USH2A: variants seen among roughly 807,000 people sequenced by gnomAD.
USH2A encodes the protein Usher syndrome 2A (autosomal recessive, mild).
USH2A carries 443 observed loss-of-function variants against 538.9 expected under a neutral mutation model. The observed-to-expected ratio is 0.82, with a 90% CI of 0.76 to 0.89. The LOEUF (loss-of-function observed/expected upper bound fraction) is 0.89, where lower values mean the gene tolerates loss of function less well. USH2A is among the 40% of genes least tolerant of loss of function. The pLI, the probability that USH2A is intolerant of heterozygous loss-of-function variation, is 0.00. For missense variants in USH2A, 6,633 were observed against 6,324.8 expected (o/e 1.05, Z -1.65); for synonymous variants, 2,413 against 2,273.5 (o/e 1.06, Z -1.75).
At chr1:216,361,580 A>C (rs949705519) in intron 4 of USH2A, among the ~76,000 whole-genome samples, 38 of 152,120 alleles carry the variant, frequency 2.5e-4, no homozygotes, top group African/African-American at 8.7e-4. Flanking sequence ...TCCAATTAAA[A>C]CTTGGCAAAA....
At position 215,779,823 on chromosome 1, in the gene USH2A, C is replaced by CT. The variant is rs751350899; in HGVS notation, c.10939+19dup. ...TGACAGACTCCTCCAGTAGGATTTCCTTTTTTTTTGTTTTCTCACCTGTGA... is the reference window on the plus strand; with the variant it reads ...TGACAGACTCCTCCAGTAGGATTTCCTTTTTTTTTTGTTTTCTCACCTGTGA... On this transcript the variant is annotated intron_variant, in intron 55 of 71. Transcript: ENST00000307340. 232 of 1,600,422 alleles carry CT rather than the reference C, an allele frequency of 1.4e-4. No individual in the cohort carries two copies. The highest frequency in any genetic ancestry group is 3.0e-4 in the Admixed American group (18 of 59,658).
At chr1:215,641,651 T>C (rs1442418136) in intron 67 of USH2A, among the ~76,000 whole-genome samples, 1 of 152,208 alleles carries the variant, frequency 6.6e-6, no homozygotes, top group African/African-American at 2.4e-5. Context: ...AACATTAAGA[T>C]TCACCTATAT....
At chr1:216,013,487 A>G (rs1668627476) in intron 32 of USH2A, among the ~76,000 whole-genome samples, 1 of 152,066 alleles carries the variant, frequency 6.6e-6, no homozygotes, top group South Asian at 2.1e-4. Context: ...AAGCTAAGCC[A>G]TCATATCCCC....
chr1:215,810,191 G>A (rs1662626876), intron 49 of USH2A, among the ~76,000 whole-genome samples: 1 of 151,978 alleles, frequency 6.6e-6, no homozygotes, highest in Admixed American at 6.5e-5. Context: ...TGCTTTAGGT[G>A]TGCAGAAACA....
chr1:215,951,765 T>C (rs892271332), intron 37 of USH2A, among the ~76,000 whole-genome samples: 13 of 152,346 alleles, frequency 8.5e-5, no homozygotes, highest in African/African-American at 3.1e-4. Flanking sequence ...ATATGTAGGA[T>C]AGTTAGCTCT....
intron 60 of USH2A, among the ~76,000 whole-genome samples, chr1:215,731,890 A>C (rs567087392): frequency 8.5e-5 from 13 of 152,200 alleles, no homozygotes; most frequent in Non-Finnish European, 1.9e-4. Context: ...GATAGGTTGG[A>C]GGTCCTGGCT....
At chr1:215,724,704 T>C (rs1659759789) in intron 61 of USH2A, among the ~76,000 whole-genome samples, 1 of 152,138 alleles carries the variant, frequency 6.6e-6, no homozygotes, top group South Asian at 2.1e-4. Flanking sequence ...CCAACAGTAA[T>C]AGCCTGTGCC....
chr1:216,176,019 A>G (rs1482264965), intron 20 of USH2A, among the ~76,000 whole-genome samples: 1 of 152,198 alleles, frequency 6.6e-6, no homozygotes, highest in African/African-American at 2.4e-5. Flanking sequence ...AAGAGGCATC[A>G]ACTCCGTGCT....
At chr1:215,687,244 T>G (rs1293877609) in intron 61 of USH2A, among the ~76,000 whole-genome samples, 1 of 152,140 alleles carries the variant, frequency 6.6e-6, no homozygotes, top group African/African-American at 2.4e-5. Flanking sequence ...ATAACAATTG[T>G]AAATTTCAAA....
intron 32 of USH2A, among the ~76,000 whole-genome samples, chr1:216,044,662 C>G (rs1213301476): frequency 6.6e-6 from 1 of 152,056 alleles, no homozygotes; most frequent in Non-Finnish European, 1.5e-5. Context: ...GTAATTAACA[C>G]CATTTTACAA....
At chr1:215,629,690 T>C (rs1216667466) in intron 70 of USH2A, among the ~76,000 whole-genome samples, 1 of 151,972 alleles carries the variant, frequency 6.6e-6, no homozygotes, top group Non-Finnish European at 1.5e-5. Flanking sequence ...CGCCGTAAGA[T>C]AAACTATAGT....
chr1:216,203,661 T>C (rs1050077368), intron 16 of USH2A, among the ~76,000 whole-genome samples: 1 of 152,180 alleles, frequency 6.6e-6, no homozygotes, highest in Non-Finnish European at 1.5e-5. Flanking sequence ...TGAATCATCT[T>C]ACCACTTGTT....
chr1:216,269,579 T>A (rs2036537499), intron 11 of USH2A, among the ~76,000 whole-genome samples: 1 of 152,128 alleles, frequency 6.6e-6, no homozygotes, highest in South Asian at 2.1e-4. Context: ...AATATAATAA[T>A]AGTAACAGGA....
At position 215,634,495 on chromosome 1, in the gene USH2A, A is replaced by C; in HGVS notation, c.15261T>G (p.Ser5087=). Residue 5087 remains serine, a synonymous_variant, in exon 70 of 72, where the codon TCT becomes TCG. Coordinates refer to ENST00000307340, the MANE Select transcript of USH2A (RefSeq NM_206933.4). The part of the protein sequence containing the change: ...PPLVPLQKRM[S]PLNVYPPGEN... ...CCCCCGGTGGGTAAACATTCAATGG[A>C]GACATCCTCTTCTGAAGAGGTACCA... 8 of 1,614,244 alleles carry C rather than the reference A, an allele frequency of 5.0e-6. No individual in the cohort carries two copies. The highest frequency in any genetic ancestry group is 6.8e-6 in the Non-Finnish European group (8 of 1,180,042).
rs536007169 is a variant in USH2A at position 215,848,763 on chromosome 1, C to G, written c.8846-2730G>C. Among the ~76,000 whole-genome samples the G allele has an allele frequency of 2.6e-5, 4 of 152,328 alleles. No homozygotes were observed. The South Asian group carries it at 6.2e-4, about 24-fold the overall frequency. ...TTTCTCCACTCATGTGGATGTTACA[C>G]TTGGAAGTCCAAAACATAGAAAAAT... On this transcript the variant is annotated intron_variant, in intron 44 of 71. Transcript: ENST00000307340.
At position 216,087,595 on chromosome 1, in the gene USH2A, G is replaced by A. The variant is rs74143934; in HGVS notation, c.4886-775C>T. The stretch of plus-strand genomic sequence containing the variant: ...AGACTCAAGCAGCCATAGATAATAC[G>A]TAAATGAATGGGTGTAGTTGTGCTC... On this transcript the variant is annotated intron_variant, in intron 23 of 71. Coordinates refer to ENST00000307340, the MANE Select transcript of USH2A (RefSeq NM_206933.4). 5.9e-3 allele frequency among the ~76,000 whole-genome samples: 899 copies of A among 152,116 alleles called. 12 individuals are homozygous for A. The highest frequency in any genetic ancestry group is 0.021 in the African/African-American group (859 of 41,504).
At chr1:216,076,485 C>T (rs993348098) in intron 27 of USH2A, among the ~76,000 whole-genome samples, 3 of 152,010 alleles carry the variant, frequency 2.0e-5, no homozygotes, top group Non-Finnish European at 2.9e-5. Flanking sequence ...ATTCAAAGAA[C>T]AAGGCTGTAC....
chr1:215,873,795 T>C (rs1664682699), intron 43 of USH2A, among the ~76,000 whole-genome samples: 1 of 104,228 alleles, frequency 9.6e-6, no homozygotes, highest in Non-Finnish European at 1.9e-5. Context: ...ATCCAAATTG[T>C]CATTGCAAAA....
chr1:216,238,489 A>G (rs2035872750), intron 13 of USH2A, among the ~76,000 whole-genome samples: 2 of 152,206 alleles, frequency 1.3e-5, no homozygotes. Context: ...ATATGTACAC[A>G]CACTCCAAAT....
Sources: allele counts gnomAD v4.1 joint callset (sites outside exome capture counted in the v4.1 genomes callset), GRCh38; gene constraint gnomAD v4.1.1; transcripts MANE v1.5; gene names NCBI Gene and HGNC (gene_info 2026-07-23, HGNC 2026-07-21).